ASNS: variants seen among roughly 807,000 people sequenced by gnomAD.
ASNS encodes the protein asparagine synthetase (glutamine-hydrolyzing), also known as asparagine synthetase [glutamine-hydrolyzing].
ASNS carries 37 observed loss-of-function variants against 62.6 expected under a neutral mutation model. The observed-to-expected ratio is 0.59, with a 90% CI of 0.45 to 0.78. The LOEUF (loss-of-function observed/expected upper bound fraction) is 0.78. Ranked by LOEUF, ASNS falls within the 30% of genes least tolerant of loss-of-function variation. The probability of loss-of-function intolerance (pLI) is 0.00; values close to 1 mark genes in which losing one functional copy is unlikely to be tolerated. For synonymous variants in ASNS, 207 were observed against 237.9 expected, an observed-to-expected ratio of 0.87 and a Z score of 1.19; for missense variants, 520 against 682.4, an observed-to-expected ratio of 0.76 and a Z score of 2.65.
the ASNS span, among the ~76,000 whole-genome samples, chr7:97,903,210 G>A: frequency 1.2e-4 from 18 of 150,678 alleles, no homozygotes; most frequent in Non-Finnish European, 2.4e-4. Context: ...TCATTTAGAG[G>A]TAGGTAGAGT....
rs1296225921 is a variant in ASNS, at chr7:97,864,420, C to A, written c.326G>T (p.Gly109Val). ...EIILHLYDKG[G>V]IEQTICMLDG... ...CAACATACAAATTGTTTGCTCAATT[C>A]CTCCTTTGTCATAAAGATGAAGGAT... is the stretch of plus-strand genomic sequence containing the variant. The change falls in exon 4 of 13, where the codon GGA becomes GTA. Residue 109 changes from glycine to valine, a missense_variant. Physicochemically the swap from Gly to Val is moderately radical, Grantham distance 109. Transcript: ENST00000394308. 1.2e-6 allele frequency: 2 copies of A among 1,613,844 alleles called. No individual in the cohort carries two copies. Among genetic ancestry groups the A allele is most frequent in the Non-Finnish European group, 1.7e-6 (2 of 1,179,930 alleles).
chr7:97,898,930 A>C, the ASNS span: 2 of 1,167,784 alleles, frequency 1.7e-6, no homozygotes, highest in Non-Finnish European at 2.5e-6. Context: ...CAAACACAAG[A>C]CCCTTGAGAC....
At chr7:97,878,057 G>T in the ASNS span, among the ~76,000 whole-genome samples, 1 of 152,204 alleles carries the variant, frequency 6.6e-6, no homozygotes, top group Non-Finnish European at 1.5e-5. Context: ...CCAGGTGATG[G>T]CGTAGGATGC....
Position 97,855,467 on chromosome 7 carries a change from G to A in ASNS, c.1031-8C>T. ...TGGAAATTAAATACATACCTTAAAT[G>A]AGAGAGAGAAATTAACTTTAATGTC... On this transcript the variant is annotated splice_polypyrimidine_tract_variant and splice_region_variant and intron_variant, in intron 8 of 12. Coordinates refer to ENST00000394308, the MANE Select transcript of ASNS (RefSeq NM_001673.5). The A allele has an allele frequency of 6.3e-7, 1 of 1,586,452 alleles. No homozygotes were observed. The highest frequency in any genetic ancestry group is 8.6e-7 in the Non-Finnish European group (1 of 1,159,536).
chr7:97,899,252 G>A, the ASNS span: 17 of 186,170 alleles, frequency 9.1e-5, no homozygotes, highest in East Asian at 9.1e-4. Flanking sequence ...AAAGTGCTGC[G>A]ATTACAGATG....
At chr7:97,884,347 G>A in the ASNS span, among the ~76,000 whole-genome samples, 1 of 152,122 alleles carries the variant, frequency 6.6e-6, no homozygotes, top group South Asian at 2.1e-4. Context: ...TCACGAGTTC[G>A]AGATCAGCCT....
the ASNS span, among the ~76,000 whole-genome samples, chr7:97,922,056 T>A: frequency 6.6e-6 from 1 of 152,200 alleles, no homozygotes. Context: ...ATCTCACTTA[T>A]ATGTGAAATC....
intron 3 of ASNS, among the ~76,000 whole-genome samples, chr7:97,866,509 A>G (rs986462151): frequency 7.9e-5 from 12 of 152,330 alleles, no homozygotes; most frequent in African/African-American, 2.6e-4. Flanking sequence ...CTCCACCATC[A>G]ACGGCAAACT....
chr7:97,858,873 C>G lies in ASNS; in HGVS notation c.756G>C (p.Arg252Ser). ...AVKKRLMTDR[R>S]IGCLLSGGLD... ...CTTCACCTGATAAAAGGCAGCCAAT[C>G]CTTCTGTCTGTCATCAAACGTTTCT... The change falls in exon 6 of 13, where the codon AGG becomes AGC. Residue 252 changes from arginine to serine, a missense_variant. Coordinates refer to ENST00000394308, the MANE Select transcript of ASNS (RefSeq NM_001673.5). The G allele has an allele frequency of 1.2e-6, 2 of 1,612,414 alleles. No individual in the cohort carries two copies. Among genetic ancestry groups the G allele is most frequent in the South Asian group, 2.2e-5 (2 of 90,436 alleles).
the ASNS span, among the ~76,000 whole-genome samples, chr7:97,905,887 C>A: frequency 1.3e-5 from 2 of 152,156 alleles, no homozygotes; most frequent in Non-Finnish European, 2.9e-5. Context: ...CCTTGATTAT[C>A]CCTGCTATGC....
chr7:97,859,477 C>A (rs1791615485), intron 4 of ASNS, 79 bp from the exon 5 acceptor site: 3 of 1,424,568 alleles, frequency 2.1e-6, no homozygotes, highest in Non-Finnish European at 2.8e-6. Context: ...ACATCATCTA[C>A]ATTCCTATTT....
Position 97,858,968 on chromosome 7 carries a change from C to T in ASNS, c.674-13G>A, listed in dbSNP as rs1188453496. The stretch of plus-strand genomic sequence containing the variant: ...TCTATCTCAAAACCTATAAACACAG[C>T]AGTAAATCAAACAGCTCCAGAAAAT... On this transcript the variant is annotated splice_polypyrimidine_tract_variant and intron_variant, in intron 5 of 12. Coordinates refer to ENST00000394308, the MANE Select transcript of ASNS (RefSeq NM_001673.5). The T allele has an allele frequency of 6.3e-7, 1 of 1,594,154 alleles. No homozygotes were observed. The highest frequency in any genetic ancestry group is 8.5e-7 in the Non-Finnish European group (1 of 1,172,430).
intron 4 of ASNS, chr7:97,863,320 C>T (rs1791809903): frequency 1.3e-5 from 2 of 152,202 alleles, no homozygotes; most frequent in Admixed American, 6.5e-5. Flanking sequence ...CTGATACATG[C>T]TACGGCATAG....
chr7:97,880,773 T>C, the ASNS span, among the ~76,000 whole-genome samples: 2 of 152,282 alleles, frequency 1.3e-5, no homozygotes, highest in Middle Eastern at 3.4e-3. Flanking sequence ...ACAAGTTCAT[T>C]CCAGAAGGAG....
chr7:97,868,794 C>T (rs879463688), intron 3 of ASNS, 114 bp downstream of exon 3: 238 of 1,450,018 alleles, frequency 1.6e-4, no homozygotes, highest in East Asian at 3.9e-4. Context: ...AATGAGATAA[C>T]GAACATAGAG....
At chr7:97,884,213 T>G in the ASNS span, among the ~76,000 whole-genome samples, 11 of 152,190 alleles carry the variant, frequency 7.2e-5, no homozygotes, top group African/African-American at 2.6e-4. Flanking sequence ...CCTGATTCTC[T>G]CGCTTGCCCT....
At chr7:97,863,177 T>C (rs1369080278) in intron 4 of ASNS, 1 of 152,220 alleles carries the variant, frequency 6.6e-6, no homozygotes, top group East Asian at 1.9e-4. Flanking sequence ...TGTACACCAA[T>C]GTTTATAGCA....
the ASNS span, among the ~76,000 whole-genome samples, chr7:97,926,160 T>G: frequency 1.3e-5 from 2 of 149,758 alleles, no homozygotes; most frequent in East Asian, 4.0e-4. Context: ...CAACACCGAA[T>G]AAAGCAACCC....
the ASNS span, among the ~76,000 whole-genome samples, chr7:97,904,918 G>A: frequency 6.6e-6 from 1 of 151,988 alleles, no homozygotes. Context: ...AACACCATTT[G>A]GGGACCACTG....
Sources: gnomAD v4.1 joint callset for allele counts (sites outside exome capture counted in the v4.1 genomes callset) on GRCh38, gnomAD v4.1.1 for gene constraint, MANE v1.5 for transcripts, NCBI Gene and HGNC (gene_info 2026-07-23, HGNC 2026-07-21) for gene names.